Variants in FMN2 observed in about 807,000 individuals in gnomAD.
The protein encoded by FMN2 is formin-2.
FMN2 carries 51 observed loss-of-function variants against 142.3 expected under a neutral mutation model. That is an observed-to-expected ratio of 0.36 (90% CI 0.29 to 0.45). FMN2 has a LOEUF of 0.45. Among genes scored for constraint, FMN2 ranks in the 20% least tolerant of loss-of-function variants. The pLI, the probability that FMN2 is intolerant of heterozygous loss-of-function variation, is 1.00. For missense variants in FMN2, 1,936 were observed against 2,122.8 expected, an observed-to-expected ratio of 0.91 and a Z score of 1.73; for synonymous variants, 882 against 869.8, an observed-to-expected ratio of 1.01 and a Z score of -0.25.
chr1:240,284,224 G>A (rs1381231499), intron 7 of FMN2, among the ~76,000 whole-genome samples: 2 of 151,990 alleles, frequency 1.3e-5, no homozygotes, highest in African/African-American at 2.4e-5. Flanking sequence ...TTAGCACTTT[G>A]GCCATATTGT....
chr1:240,168,533 G>C (rs1053218394), intron 2 of FMN2, among the ~76,000 whole-genome samples: 2 of 152,146 alleles, frequency 1.3e-5, no homozygotes, highest in African/African-American at 4.8e-5. Context: ...AGGCTACAGT[G>C]ACCTGTGATC....
intron 16 of FMN2, among the ~76,000 whole-genome samples, chr1:240,454,292 AG>A (rs1676155318): frequency 6.6e-6 from 1 of 152,156 alleles, no homozygotes; most frequent in African/African-American, 2.4e-5. Flanking sequence ...CTTTAATCCC[AG>A]CAATTTGGGA....
chr1:240,374,177 G>A (rs562992729), intron 14 of FMN2, among the ~76,000 whole-genome samples: 1 of 152,266 alleles, frequency 6.6e-6, no homozygotes, highest in African/African-American at 2.4e-5. Flanking sequence ...GTAAGCAGAT[G>A]TGCTGTCATC....
rs1020613430 is a variant in FMN2, at chr1:240,127,324, G to A, written c.1782+3979G>A. On this transcript the variant is annotated intron_variant, in intron 2 of 17. Transcript: ENST00000319653. ...CTGACCTCCAGTGATCTGCCACGTC[G>A]GCCTCTCAAAGTGCTAGGATTACAG... 4.0e-5 allele frequency among the ~76,000 whole-genome samples: 6 copies of A among 151,704 alleles called. No individual in the cohort carries two copies. The East Asian group carries it at 5.8e-4, about 15-fold the overall frequency.
chr1:240,366,630 C>G (rs1672678847), intron 14 of FMN2, among the ~76,000 whole-genome samples: 1 of 151,638 alleles, frequency 6.6e-6, no homozygotes, highest in Admixed American at 6.6e-5. Flanking sequence ...ACCTCCGCCT[C>G]TGTTTAAAGC....
intron 2 of FMN2, among the ~76,000 whole-genome samples, chr1:240,175,195 G>GTA (rs1206680949): frequency 6.6e-6 from 1 of 152,084 alleles, no homozygotes; most frequent in Admixed American, 6.5e-5. Flanking sequence ...TTCCCAGTTT[G>GTA]TATATATATC....
Position 240,208,508 on chromosome 1 carries a change from C to T in FMN2, c.3696C>T (p.Ile1232=). The T allele has an allele frequency of 6.2e-7, 1 of 1,611,600 alleles. No homozygotes were observed. The change falls in exon 5 of 18, where the codon ATC becomes ATT. Residue 1232 remains isoleucine (I), a synonymous_variant. Coordinates refer to ENST00000319653, the MANE Select transcript of FMN2 (RefSeq NM_020066.5). ...CACTCCCTCCACCTGGGACAGGAAT[C>T]CCACCGCCCCCTCTGCTTCCTGTAT... is the stretch of plus-strand genomic sequence containing the variant. ...APPLPPPGTG[I]PPPPLLPVSG... is the part of the protein sequence containing the mutation.
intron 6 of FMN2, among the ~76,000 whole-genome samples, chr1:240,227,076 C>T (rs1667335838): frequency 6.6e-6 from 1 of 152,066 alleles, no homozygotes; most frequent in Non-Finnish European, 1.5e-5. Context: ...ATGACATGAT[C>T]TTGTATGTAA....
At chr1:240,424,104 G>A (rs60789193) in intron 15 of FMN2, among the ~76,000 whole-genome samples, 3,468 of 152,158 alleles carry the variant, frequency 0.023, 111 homozygotes, top group African/African-American at 0.079. Context: ...ATTCTGATAC[G>A]TCTGTTAAAC....
At chr1:240,204,863 T>A (rs896990919) in intron 4 of FMN2, among the ~76,000 whole-genome samples, 2 of 152,212 alleles carry the variant, frequency 1.3e-5, no homozygotes, top group African/African-American at 2.4e-5. Context: ...GTAAATACCC[T>A]TTCTGTCTTG....
At chr1:240,393,416 G>A (rs1281121903) in intron 15 of FMN2, among the ~76,000 whole-genome samples, 3 of 152,176 alleles carry the variant, frequency 2.0e-5, no homozygotes, top group East Asian at 1.9e-4. Context: ...GATGGCAAAC[G>A]TAATAGAAAA....
chr1:240,196,411 A>C (rs1165697751), intron 4 of FMN2, among the ~76,000 whole-genome samples: 1 of 152,216 alleles, frequency 6.6e-6, no homozygotes, highest in Non-Finnish European at 1.5e-5. Flanking sequence ...TTCAGTATCA[A>C]CTGGGAGCTG....
At chr1:240,152,973 A>AGTGTTTT (rs533596837) in intron 2 of FMN2, among the ~76,000 whole-genome samples, 44 of 152,222 alleles carry the variant, frequency 2.9e-4, no homozygotes, top group Admixed American at 7.9e-4. Flanking sequence ...TTTGAGACTT[A>AGTGTTTT]GTGTTTTCAT....
chr1:240,329,494 A>G (rs750962452), intron 10 of FMN2, 26 bp downstream of exon 10: 2 of 1,606,996 alleles, frequency 1.2e-6, no homozygotes, highest in Non-Finnish European at 1.7e-6. Context: ...AAGAGAGCTG[A>G]ACTTGAGTCT....
intron 14 of FMN2, among the ~76,000 whole-genome samples, chr1:240,361,135 ATATGTG>A (rs1253281922): frequency 4.8e-5 from 5 of 103,940 alleles, no homozygotes; most frequent in East Asian, 2.5e-4. Context: ...ATAAATAAAT[ATATGTG>A]TATATATATA....
intron 6 of FMN2, among the ~76,000 whole-genome samples, chr1:240,254,642 T>G (rs572318515): frequency 1.3e-5 from 2 of 152,188 alleles, no homozygotes; most frequent in Admixed American, 1.3e-4. Context: ...GGAGTTACCA[T>G]GGCAGCAGTT....
At chr1:240,453,539 TTAC>T (rs1676128465) in intron 16 of FMN2, among the ~76,000 whole-genome samples, 2 of 152,126 alleles carry the variant, frequency 1.3e-5, no homozygotes, top group Non-Finnish European at 2.9e-5. Flanking sequence ...GTTTTGGAAA[TTAC>T]TACTATTATT....
At chr1:240,290,226 T>G (rs1669732441) in intron 7 of FMN2, among the ~76,000 whole-genome samples, 1 of 152,214 alleles carries the variant, frequency 6.6e-6, no homozygotes, top group Admixed American at 6.5e-5. Context: ...TGAGACATTT[T>G]AAATATCTTA....
In FMN2 at chr1:240,320,579, G is replaced by T. The variant is rs374316882; in HGVS notation, c.4216-8497G>T. Among the ~76,000 whole-genome samples, 513 of 152,304 alleles carry T rather than the reference G, an allele frequency of 3.4e-3. 2 individuals are homozygous for T. Among genetic ancestry groups the T allele is most frequent in the African/African-American group, 0.011 (469 of 41,558 alleles). ...TTTGTTTAGTATAAAGAAGCCCATA[G>T]TTTTGGTGTTTCTGAACACTGTTCT... On this transcript the variant is annotated intron_variant, in intron 8 of 17. Coordinates refer to ENST00000319653, the MANE Select transcript of FMN2 (RefSeq NM_020066.5).
Sources: allele counts gnomAD v4.1 joint callset (sites outside exome capture counted in the v4.1 genomes callset), GRCh38; gene constraint gnomAD v4.1.1; transcripts MANE v1.5; gene names NCBI Gene and HGNC (gene_info 2026-07-23, HGNC 2026-07-21).